The following VPS13B variants were observed in gnomAD, a reference collection of about 807,000 sequenced individuals.
The protein encoded by VPS13B is vacuolar protein sorting 13 homolog B.
Under a neutral mutation model 426.4 loss-of-function variants are expected in VPS13B, and 285 were observed. The observed-to-expected ratio is 0.67, with a 90% CI of 0.61 to 0.74. VPS13B has a LOEUF of 0.74. Among genes scored for constraint, VPS13B ranks in the 30% least tolerant of loss-of-function variants. The pLI, the probability that VPS13B is intolerant of heterozygous loss-of-function variation, is 0.00. For missense variants in VPS13B, 4,537 were observed against 4,782.6 expected (o/e 0.95, Z 1.51); for synonymous variants, 1,676 against 1,676.4 (o/e 1.00, Z 0.01).
chr8:99,115,444 C>T (rs1847605194), intron 6 of VPS13B, among the ~76,000 whole-genome samples: 1 of 151,908 alleles, frequency 6.6e-6, no homozygotes, highest in Admixed American at 6.6e-5. Flanking sequence ...TGTGATTATA[C>T]CTTCTCACTA....
chr8:99,375,647 G>T (rs1033285271), intron 19 of VPS13B, among the ~76,000 whole-genome samples: 2 of 152,028 alleles, frequency 1.3e-5, no homozygotes, highest in African/African-American at 4.8e-5. Flanking sequence ...CATTACCTTT[G>T]TTTTTGAAGT....
chr8:99,284,742 G>C (rs1819345534), intron 19 of VPS13B, among the ~76,000 whole-genome samples: 1 of 77,336 alleles, frequency 1.3e-5, no homozygotes, highest in African/African-American at 4.8e-5. Context: ...GTGTGTTTTT[G>C]TAGAGACAGA....
chr8:99,302,821 T>G (rs1397378893), intron 19 of VPS13B, among the ~76,000 whole-genome samples: 1 of 152,044 alleles, frequency 6.6e-6, no homozygotes, highest in East Asian at 1.9e-4. Context: ...AATACTCTAT[T>G]GAAAGTAAAA....
chr8:99,286,849 G>T (rs758737808), intron 19 of VPS13B, among the ~76,000 whole-genome samples: 1 of 152,096 alleles, frequency 6.6e-6, no homozygotes, highest in Non-Finnish European at 1.5e-5. Context: ...GAAAATTAAA[G>T]AGAAATGATA....
At chr8:99,797,816 C>G (rs1588719788) in intron 43 of VPS13B, among the ~76,000 whole-genome samples, 1 of 152,236 alleles carries the variant, frequency 6.6e-6, no homozygotes, top group African/African-American at 2.4e-5. Context: ...TTATCATAAA[C>G]TGAAAGTATA....
intron 19 of VPS13B, among the ~76,000 whole-genome samples, chr8:99,307,375 A>G (rs2133087395): frequency 6.6e-6 from 1 of 152,244 alleles, no homozygotes; most frequent in South Asian, 2.1e-4. Context: ...TTGTACAGTT[A>G]TATAATTTCA....
At chr8:99,827,486 GTC>G (rs1466869979) in intron 51 of VPS13B, among the ~76,000 whole-genome samples, 2 of 146,220 alleles carry the variant, frequency 1.4e-5, no homozygotes, top group Non-Finnish European at 3.0e-5. Flanking sequence ...CTGGCCAGCA[GTC>G]TTATCTATTT....
chr8:99,609,416 G>C (rs1459269801), intron 33 of VPS13B, among the ~76,000 whole-genome samples: 2 of 152,082 alleles, frequency 1.3e-5, no homozygotes, highest in African/African-American at 2.4e-5. Flanking sequence ...TTGCTTAAAA[G>C]CTTAAATTTT....
intron 19 of VPS13B, among the ~76,000 whole-genome samples, chr8:99,283,913 A>G (rs951820468): frequency 6.6e-6 from 1 of 152,196 alleles, no homozygotes. Flanking sequence ...TGTAGTGCAG[A>G]GAATTTTTTT....
At chr8:99,073,862 C>T (rs1308845183) in intron 3 of VPS13B, among the ~76,000 whole-genome samples, 1 of 151,936 alleles carries the variant, frequency 6.6e-6, no homozygotes, top group Admixed American at 6.6e-5. Context: ...CCTCAACCTC[C>T]CTGACTCAAG....
At chr8:99,532,924 C>T (rs1366709712) in intron 30 of VPS13B, among the ~76,000 whole-genome samples, 1 of 148,006 alleles carries the variant, frequency 6.8e-6, no homozygotes, top group African/African-American at 2.5e-5. Context: ...AATGCATAAT[C>T]AATTCACTGA....
intron 39 of VPS13B, among the ~76,000 whole-genome samples, chr8:99,744,188 C>T (rs558411089): frequency 1.3e-5 from 2 of 152,288 alleles, no homozygotes; most frequent in East Asian, 3.9e-4. Flanking sequence ...CGAAAGAAGA[C>T]ATTTATGCAG....
chr8:99,630,326 T>C (rs188205384), intron 33 of VPS13B, among the ~76,000 whole-genome samples: 2 of 152,224 alleles, frequency 1.3e-5, no homozygotes, highest in East Asian at 3.9e-4. Flanking sequence ...TTCCTTACAG[T>C]TATGCTCTTT....
At position 99,828,394 on chromosome 8, in the gene VPS13B, G is replaced by GTT. The variant is rs555108452; in HGVS notation, c.9331-3936_9331-3935dup. 6.2e-3 allele frequency among the ~76,000 whole-genome samples: 109 copies of GTT among 17,442 alleles called. 4 individuals are homozygous for GTT. Among genetic ancestry groups the GTT allele is most frequent in the Admixed American group, 0.01 (13 of 1,290 alleles). 11.4% of individuals were successfully genotyped at this position (17,442 alleles called of 152,430 possible). On this transcript the variant is annotated intron_variant, in intron 51 of 61. Transcript: ENST00000357162. ...ATCAGAGACTAGGATTACAACCACC[G>GTT]TTTTTTTTTTTTTTTTTTTTTTTTT...
At chr8:99,669,927 T>C (rs1021161582) in intron 35 of VPS13B, among the ~76,000 whole-genome samples, 2 of 152,150 alleles carry the variant, frequency 1.3e-5, no homozygotes, top group Non-Finnish European at 2.9e-5. Context: ...CTTAAATGAT[T>C]GCATTTCCAC....
intron 2 of VPS13B, among the ~76,000 whole-genome samples, chr8:99,014,209 C>T (rs150463935): frequency 5.3e-5 from 8 of 149,694 alleles, no homozygotes; most frequent in African/African-American, 1.7e-4. Context: ...CCTCCGCCTC[C>T]GGGACTCAGG....
intron 3 of VPS13B, among the ~76,000 whole-genome samples, chr8:99,070,584 CTT>C (rs1844802777): frequency 6.6e-6 from 1 of 152,002 alleles, no homozygotes; most frequent in Non-Finnish European, 1.5e-5. Flanking sequence ...ATTTTTTTCT[CTT>C]TGTTTTTTGT....
At chr8:99,258,355 G>A (rs1817865785) in intron 17 of VPS13B, among the ~76,000 whole-genome samples, 1 of 150,162 alleles carries the variant, frequency 6.7e-6, no homozygotes, top group African/African-American at 2.5e-5. Flanking sequence ...GATCACCATT[G>A]GGTATTATTA....
Position 99,274,200 on chromosome 8 carries a change from G to A in VPS13B, c.2518G>A (p.Val840Met), listed in dbSNP as rs141694201. 1.6e-5 allele frequency: 26 copies of A among 1,614,080 alleles called. No individual in the cohort carries two copies. The highest frequency in any genetic ancestry group is 2.0e-5 in the Non-Finnish European group (24 of 1,179,992). ...CATTTGCAGTTTTCTTTTATTAGGT[G>A]TGAAATCTAAGAATCCCCTGCCAAC... ...LINEIFLSIG[V>M]KSKNPLPTLE... The change falls in exon 18 of 62, where the codon GTG (valine) becomes ATG (methionine). Residue 840 changes from valine (V) to methionine (M), a missense_variant and splice_region_variant. Transcript: ENST00000357162.
Sources: allele counts gnomAD v4.1 joint callset (sites outside exome capture counted in the v4.1 genomes callset), GRCh38; gene constraint gnomAD v4.1.1; transcripts MANE v1.5; gene names NCBI Gene and HGNC (gene_info 2026-07-23, HGNC 2026-07-21).